ASAP1: variants seen among roughly 807,000 people sequenced by gnomAD.
ASAP1 encodes the protein arf-GAP with SH3 domain, ANK repeat and PH domain-containing protein 1.
Under a neutral mutation model 145.2 loss-of-function variants are expected in ASAP1, and 43 were observed. The ratio of observed to expected loss-of-function variants is 0.30; its 90% confidence interval spans 0.23 to 0.38. The LOEUF (loss-of-function observed/expected upper bound fraction) is 0.38, where lower values mean the gene tolerates loss of function less well. ASAP1 is among the 10% of genes least tolerant of loss of function. ASAP1 has a pLI of 1.00. For missense variants in ASAP1, 1,018 were observed against 1,355.3 expected, an observed-to-expected ratio of 0.75 and a Z score of 3.91; for synonymous variants, 546 against 515.5, an observed-to-expected ratio of 1.06 and a Z score of -0.80.
At chr8:130,316,647 C>A (rs78697778) in intron 3 of ASAP1, among the ~76,000 whole-genome samples, 2,380 of 152,302 alleles carry the variant, frequency 0.016, 35 homozygotes, top group East Asian at 0.053. Flanking sequence ...GGAGCTCTGG[C>A]AGCAATCTTA....
At chr8:130,152,194 C>T (rs981713999) in intron 13 of ASAP1, among the ~76,000 whole-genome samples, 1 of 152,200 alleles carries the variant, frequency 6.6e-6, no homozygotes, top group Non-Finnish European at 1.5e-5. Context: ...AAAATCCAAA[C>T]TGAGATTACT....
chr8:130,066,726 T>C (rs565675845), intron 27 of ASAP1, among the ~76,000 whole-genome samples: 1 of 152,192 alleles, frequency 6.6e-6, no homozygotes, highest in African/African-American at 2.4e-5. Context: ...CCTAAAGGCA[T>C]GGGCAGTCAT....
intron 2 of ASAP1, among the ~76,000 whole-genome samples, chr8:130,370,940 G>A (rs1827185241): frequency 6.6e-6 from 1 of 152,162 alleles, no homozygotes; most frequent in Non-Finnish European, 1.5e-5. Context: ...TTTCTTGTGA[G>A]GAGTGACAAA....
intron 3 of ASAP1, among the ~76,000 whole-genome samples, chr8:130,277,179 T>C (rs1347161595): frequency 6.6e-6 from 1 of 152,040 alleles, no homozygotes; most frequent in Non-Finnish European, 1.5e-5. Context: ...CAGGCCACGG[T>C]AACCTGAGTG....
intron 11 of ASAP1, among the ~76,000 whole-genome samples, chr8:130,161,556 G>A (rs1464287761): frequency 6.6e-6 from 1 of 152,142 alleles, no homozygotes; most frequent in Admixed American, 6.5e-5. Flanking sequence ...TCACTGTCCT[G>A]CTCTCTTGTG....
chr8:130,084,442 T>C (rs2097488197), intron 25 of ASAP1: 1 of 152,184 alleles, frequency 6.6e-6, no homozygotes, highest in African/African-American at 2.4e-5. Flanking sequence ...CAGATGTGTG[T>C]AAGAGAAAGT....
At chr8:130,113,544 G>A (rs1056415378) in intron 23 of ASAP1, among the ~76,000 whole-genome samples, 8 of 152,036 alleles carry the variant, frequency 5.3e-5, no homozygotes, top group Admixed American at 3.3e-4. Context: ...GACCTCTTTG[G>A]CCATTCCTTA....
At chr8:130,080,104 A>G (rs995458003) in intron 25 of ASAP1, 133 bp from the exon 26 acceptor site, 1 of 768,098 alleles carries the variant, frequency 1.3e-6, no homozygotes, top group Non-Finnish European at 2.2e-6. Context: ...CCAAAACGGC[A>G]TGCATTTCTG....
chr8:130,082,588 T>G (rs550601481), intron 25 of ASAP1: 1 of 151,446 alleles, frequency 6.6e-6, no homozygotes, highest in Admixed American at 6.6e-5. Context: ...ACTGCAGCCT[T>G]AAACTCCTGG....
chr8:130,236,113 G>A (rs142445780), intron 4 of ASAP1, among the ~76,000 whole-genome samples: 161 of 152,162 alleles, frequency 1.1e-3, no homozygotes, highest in Non-Finnish European at 1.9e-3. Context: ...CACGGCCTGC[G>A]CTCTTTCTAT....
intron 27 of ASAP1, among the ~76,000 whole-genome samples, 163 bp from the exon 28 acceptor site, chr8:130,061,232 A>C (rs1488769494): frequency 6.6e-6 from 1 of 152,224 alleles, no homozygotes; most frequent in African/African-American, 2.4e-5. Context: ...TTACAAAGAC[A>C]AAGTTTGAAA....
At chr8:130,325,909 C>T (rs1214775423) in intron 3 of ASAP1, among the ~76,000 whole-genome samples, 2 of 152,072 alleles carry the variant, frequency 1.3e-5, no homozygotes, top group Non-Finnish European at 2.9e-5. Flanking sequence ...ATGCCAGAAA[C>T]GGTGGTAAGT....
At chr8:130,064,319 A>G (rs77396950) in intron 27 of ASAP1, among the ~76,000 whole-genome samples, 2,433 of 152,256 alleles carry the variant, frequency 0.016, 35 homozygotes, top group East Asian at 0.064. Flanking sequence ...GGAAGGGGGA[A>G]GAAACAGTAT....
chr8:130,278,875 A>T (rs554839069), intron 3 of ASAP1, among the ~76,000 whole-genome samples: 1 of 152,310 alleles, frequency 6.6e-6, no homozygotes, highest in South Asian at 2.1e-4. Flanking sequence ...AAGTCTTTTC[A>T]TAAAGGCCCT....
At chr8:130,409,474 AT>A (rs1040106099) in intron 1 of ASAP1, among the ~76,000 whole-genome samples, 6 of 151,962 alleles carry the variant, frequency 3.9e-5, no homozygotes, top group African/African-American at 1.5e-4. Flanking sequence ...GACTCCTGCT[AT>A]TTTTCCTAAT....
chr8:130,155,875 G>C (rs962009744), intron 12 of ASAP1, among the ~76,000 whole-genome samples: 3 of 152,182 alleles, frequency 2.0e-5, no homozygotes, highest in Non-Finnish European at 4.4e-5. Context: ...TTCCAGAAAA[G>C]AAAATTCTAT....
intron 7 of ASAP1, among the ~76,000 whole-genome samples, chr8:130,186,884 C>T (rs1296510623): frequency 6.6e-6 from 1 of 152,146 alleles, no homozygotes; most frequent in Non-Finnish European, 1.5e-5. Context: ...TATTATTTCC[C>T]AATTTTTATA....
At position 130,115,746 on chromosome 8, in the gene ASAP1, C is replaced by G; in HGVS notation, c.2065-11G>C. The G allele has an allele frequency of 6.3e-7, 1 of 1,578,380 alleles. No individual in the cohort carries two copies. Among genetic ancestry groups the G allele is most frequent in the Non-Finnish European group, 8.7e-7 (1 of 1,148,470 alleles). On this transcript the variant is annotated splice_polypyrimidine_tract_variant and intron_variant, in intron 22 of 29. Coordinates refer to ENST00000518721, the MANE Select transcript of ASAP1 (RefSeq NM_018482.4). ...TTTAGCCTGGGAAAGCTGGAAGGAA[C>G]AGCAAATGTGCACCATTTTAATTTA...
At chr8:130,242,097 A>T (rs1818562210) in intron 3 of ASAP1, among the ~76,000 whole-genome samples, 1 of 151,958 alleles carries the variant, frequency 6.6e-6, no homozygotes. Context: ...TCAATACATT[A>T]ATGTGCCTAG....
Sources: gnomAD v4.1 joint callset for allele counts (sites outside exome capture counted in the v4.1 genomes callset) on GRCh38, gnomAD v4.1.1 for gene constraint, MANE v1.5 for transcripts, NCBI Gene and HGNC (gene_info 2026-07-23, HGNC 2026-07-21) for gene names.